Variants in SEMA6A observed in about 807,000 individuals in gnomAD.
SEMA6A encodes the protein semaphorin 6A, also known as semaphorin-6A.
In SEMA6A, 25 loss-of-function variants were observed where a neutral mutation model predicts 96.8. That is an observed-to-expected ratio of 0.26 (90% confidence interval 0.19 to 0.36). The LOEUF (loss-of-function observed/expected upper bound fraction) is 0.36, where lower values mean the gene tolerates loss of function less well. Ranked by LOEUF, SEMA6A falls within the 10% of genes least tolerant of loss-of-function variation. SEMA6A has a pLI of 1.00. For missense variants in SEMA6A, 1,363 were observed against 1,323.1 expected (o/e 1.03, Z -0.47); for synonymous variants, 612 against 518.0 (o/e 1.18, Z -2.46).
Position 116,467,842 on chromosome 5 carries a change from G to A in SEMA6A, c.1730-95C>T. The A allele has an allele frequency of 3.1e-6, 4 of 1,275,622 alleles. No individual in the cohort carries two copies. In the South Asian group the frequency reaches 4.1e-5, roughly 13 times the overall value. 79.0% of individuals were successfully genotyped at this position (1,275,622 alleles called of 1,614,324 possible). A position where few individuals can be genotyped will look rare whatever the true frequency, so the allele number is the denominator to read the frequency against. On this transcript the variant is annotated intron_variant, in intron 17 of 18. Transcript: ENST00000343348. ...TGGAGGTGGGACACCCAAGCTGGCT[G>A]TAAGACTGAGAGGAGATGGCCCTAG...
chr5:116,447,182 C>G lies in SEMA6A; in HGVS notation c.2524G>C (p.Ala842Pro). The change falls in exon 19 of 19, where the codon GCG becomes CCG. Residue 842 changes from alanine (A) to proline (P), a missense_variant. Ala to Pro is a conservative substitution (Grantham distance 27). This residue lies in a region of SEMA6A where 883 missense variants were observed against 763.6 expected (regional missense o/e 1.16). Transcript: ENST00000343348. ...AGTGTGGCGGCCTGGTCCTCCAGCG[C>G]CATCTGGGCCACCTCGCTCATTTTG... The part of the protein sequence containing the change: ...QPKMSEVAQM[A>P]LEDQAATLEY... The G allele has an allele frequency of 1.2e-6, 2 of 1,614,040 alleles. No homozygotes were observed. The highest frequency in any genetic ancestry group is 1.7e-6 in the Non-Finnish European group (2 of 1,179,898).
intron 1 of SEMA6A, among the ~76,000 whole-genome samples, chr5:116,554,260 G>GA (rs1194949054): frequency 6.6e-6 from 1 of 151,580 alleles, no homozygotes; most frequent in Non-Finnish European, 1.5e-5. Flanking sequence ...AAATTCAGAG[G>GA]AAAAAAAGAG....
intron 18 of SEMA6A, among the ~76,000 whole-genome samples, chr5:116,454,867 T>C (rs1754908473): frequency 6.6e-6 from 1 of 151,976 alleles, no homozygotes; most frequent in Admixed American, 6.6e-5. Context: ...GGCTACAGAT[T>C]AGGTACCAGG....
rs75364470 is a variant in SEMA6A at position 116,482,638 on chromosome 5, A to G, written c.963-63T>C. On this transcript the variant is annotated intron_variant, in intron 10 of 18. Transcript: ENST00000343348. ...AATGGTTATGCATGTGGTTTGGAAC[A>G]TACTCCAGAGAAACTTTCCTGGTAC... 133 of 1,568,608 alleles carry G rather than the reference A, an allele frequency of 8.5e-5. 1 individual carries two copies. The East Asian group carries it at 3.0e-3, about 35-fold the overall frequency.
At chr5:116,501,179 G>A (rs1452271455) in intron 3 of SEMA6A, among the ~76,000 whole-genome samples, 3 of 152,280 alleles carry the variant, frequency 2.0e-5, no homozygotes, top group South Asian at 2.1e-4. Flanking sequence ...TATATTGTTG[G>A]ACTCCTTAGG....
chr5:116,535,784 CAG>C (rs1216507682), intron 1 of SEMA6A, among the ~76,000 whole-genome samples: 2 of 152,206 alleles, frequency 1.3e-5, no homozygotes, highest in African/African-American at 4.8e-5. Context: ...TTTTGTAAAA[CAG>C]ATTACACCTA....
chr5:116,451,642 G>A (rs996583814), intron 18 of SEMA6A, among the ~76,000 whole-genome samples: 2 of 152,020 alleles, frequency 1.3e-5, no homozygotes, highest in Non-Finnish European at 2.9e-5. Context: ...AACAAATGAT[G>A]GCTGAATAAA....
At chr5:116,571,861 A>G (rs2112926608) in intron 1 of SEMA6A, among the ~76,000 whole-genome samples, 1 of 152,366 alleles carries the variant, frequency 6.6e-6, no homozygotes, top group South Asian at 2.1e-4. Flanking sequence ...GACCGCTGGT[A>G]GCCATTTGGG....
intron 1 of SEMA6A, among the ~76,000 whole-genome samples, chr5:116,551,876 A>C (rs1026677868): frequency 1.3e-5 from 2 of 152,248 alleles, no homozygotes; most frequent in African/African-American, 4.8e-5. Flanking sequence ...CTGGACTGAC[A>C]ATGTAACGTA....
chr5:116,555,894 A>G (rs772695686), intron 1 of SEMA6A, among the ~76,000 whole-genome samples: 2 of 152,226 alleles, frequency 1.3e-5, no homozygotes, highest in Non-Finnish European at 2.9e-5. Flanking sequence ...CCTCTTTGTT[A>G]GTGAAAATCC....
intron 1 of SEMA6A, among the ~76,000 whole-genome samples, chr5:116,568,705 T>A (rs1417059602): frequency 6.6e-6 from 1 of 152,128 alleles, no homozygotes; most frequent in East Asian, 1.9e-4. Flanking sequence ...AGGAGGGGAC[T>A]GGGTGAGAAT....
chr5:116,557,852 T>C (rs1434412821), intron 1 of SEMA6A, among the ~76,000 whole-genome samples: 1 of 152,228 alleles, frequency 6.6e-6, no homozygotes, highest in African/African-American at 2.4e-5. Flanking sequence ...GTGGTTGTGC[T>C]GAGATTCAGT....
At chr5:116,459,450 A>G (rs948726200) in intron 18 of SEMA6A, among the ~76,000 whole-genome samples, 3 of 152,110 alleles carry the variant, frequency 2.0e-5, no homozygotes, top group Non-Finnish European at 2.9e-5. Flanking sequence ...TCCTGTTGCT[A>G]AAGCCAAAAC....
intron 1 of SEMA6A, among the ~76,000 whole-genome samples, chr5:116,567,013 A>G (rs1363640223): frequency 1.3e-5 from 2 of 152,230 alleles, no homozygotes; most frequent in South Asian, 4.1e-4. Flanking sequence ...AATTGTCATT[A>G]TGAGTTGCTT....
intron 18 of SEMA6A, among the ~76,000 whole-genome samples, chr5:116,460,532 C>T (rs11241392): frequency 3.9e-5 from 6 of 152,096 alleles, no homozygotes; most frequent in African/African-American, 7.2e-5. Context: ...TCAGTTAATT[C>T]GGATAAACAA....
intron 16 of SEMA6A, among the ~76,000 whole-genome samples, chr5:116,474,489 T>C (rs1486250561): frequency 6.6e-6 from 1 of 152,174 alleles, no homozygotes; most frequent in African/African-American, 2.4e-5. Flanking sequence ...GTGTAAGACA[T>C]AATAAGAATT....
intron 17 of SEMA6A, among the ~76,000 whole-genome samples, chr5:116,470,669 T>C (rs946776091): frequency 6.6e-6 from 1 of 152,174 alleles, no homozygotes; most frequent in African/African-American, 2.4e-5. Context: ...CTTGCATATG[T>C]AACTGGTGTG....
intron 5 of SEMA6A, chr5:116,495,905 C>G (rs1469555145): frequency 6.1e-6 from 2 of 327,640 alleles, no homozygotes; most frequent in Non-Finnish European, 1.1e-5. Flanking sequence ...ATGTCTGCGG[C>G]AGCCTTTTAT....
At chr5:116,471,363 T>A (rs1756133473) in intron 17 of SEMA6A, 1 of 152,170 alleles carries the variant, frequency 6.6e-6, no homozygotes, top group South Asian at 2.1e-4. Flanking sequence ...ATTTAAGAAA[T>A]TACCTGGGAG....
Sources: allele counts gnomAD v4.1 joint callset (sites outside exome capture counted in the v4.1 genomes callset), GRCh38; gene constraint gnomAD v4.1.1; regional missense constraint gnomAD v4.1.1; transcripts MANE v1.5; gene names NCBI Gene and HGNC (gene_info 2026-07-23, HGNC 2026-07-21).